The following PCDH15 variants were observed in gnomAD, a reference collection of about 807,000 sequenced individuals.
PCDH15 encodes protocadherin-15.
Under a neutral mutation model 178.5 loss-of-function variants are expected in PCDH15, and 129 were observed. That is an observed-to-expected ratio of 0.72 (90% CI 0.63 to 0.84). The LOEUF (loss-of-function observed/expected upper bound fraction) is 0.84. PCDH15 is among the 40% of genes least tolerant of loss of function. PCDH15 has a pLI of 0.00. For synonymous variants in PCDH15, 800 were observed against 732.0 expected, an observed-to-expected ratio of 1.09 and a Z score of -1.50; for missense variants, 2,230 against 2,099.9, an observed-to-expected ratio of 1.06 and a Z score of -1.21.
At chr10:55,507,813 A>G (rs1181187019) in intron 2 of PCDH15, among the ~76,000 whole-genome samples, 1 of 151,658 alleles carries the variant, frequency 6.6e-6, no homozygotes, top group African/African-American at 2.4e-5. Flanking sequence ...GGAATCCTTC[A>G]GATTTAGACA....
intron 3 of PCDH15, among the ~76,000 whole-genome samples, chr10:54,848,739 C>T (rs575269415): frequency 6.6e-6 from 1 of 152,262 alleles, no homozygotes; most frequent in East Asian, 1.9e-4. Context: ...CTTTTCTGTG[C>T]CTCCATTATT....
At chr10:54,662,237 A>G (rs189152101) in intron 2 of PCDH15, among the ~76,000 whole-genome samples, 190 of 152,116 alleles carry the variant, frequency 1.2e-3, no homozygotes, top group African/African-American at 4.2e-3. Context: ...TAAGTGAGGA[A>G]AGAATGTAAA....
intron 2 of PCDH15, among the ~76,000 whole-genome samples, chr10:54,940,215 A>G (rs1407170250): frequency 2.0e-5 from 3 of 152,130 alleles, no homozygotes; most frequent in East Asian, 3.8e-4. Context: ...ACTGTATCGT[A>G]TAAGTTTTAT....
At chr10:53,962,031 G>T in intron 21 of PCDH15, 139 bp from the exon 22 acceptor site, 1 of 701,096 alleles carries the variant, frequency 1.4e-6, no homozygotes, top group Non-Finnish European at 2.4e-6. Context: ...TTTCAGAGCT[G>T]AAATGTAGCC....
intron 3 of PCDH15, among the ~76,000 whole-genome samples, chr10:54,849,522 C>G (rs958846427): frequency 2.6e-5 from 4 of 152,128 alleles, no homozygotes; most frequent in African/African-American, 9.7e-5. Flanking sequence ...TCACTCGGCT[C>G]GACTACTTTC....
chr10:55,282,975 A>G (rs1277972050), intron 1 of PCDH15, among the ~76,000 whole-genome samples: 1 of 152,164 alleles, frequency 6.6e-6, no homozygotes, highest in Admixed American at 6.5e-5. Context: ...TGAAACAAAG[A>G]AAATAACAGT....
intron 1 of PCDH15, among the ~76,000 whole-genome samples, chr10:55,222,647 C>T (rs1840910000): frequency 6.8e-6 from 1 of 146,582 alleles, no homozygotes; most frequent in Non-Finnish European, 1.5e-5. Context: ...TTGGTTGATT[C>T]CTTGATTCTC....
intron 2 of PCDH15, among the ~76,000 whole-genome samples, chr10:55,350,787 A>C (rs1198496810): frequency 6.6e-6 from 1 of 151,910 alleles, no homozygotes. Flanking sequence ...TGAATGTTTT[A>C]TTTTTCTTTT....
intron 1 of PCDH15, among the ~76,000 whole-genome samples, chr10:54,728,848 C>T (rs980678818): frequency 1.3e-5 from 2 of 151,244 alleles, no homozygotes; most frequent in Admixed American, 6.6e-5. Context: ...AATAAAATAC[C>T]TAGAAAAACA....
chr10:54,964,680 A>T (rs1838737059), intron 2 of PCDH15, among the ~76,000 whole-genome samples: 1 of 152,214 alleles, frequency 6.6e-6, no homozygotes, highest in African/African-American at 2.4e-5. Context: ...AATTATGTTA[A>T]TAATATCACT....
intron 3 of PCDH15, among the ~76,000 whole-genome samples, chr10:54,874,958 G>T (rs1954113027): frequency 6.6e-6 from 1 of 152,100 alleles, no homozygotes; most frequent in African/African-American, 2.4e-5. Flanking sequence ...ATTGTAGTTA[G>T]ATTTGCAAAT....
chr10:55,542,443 AAT>A (rs1169865665), intron 2 of PCDH15, among the ~76,000 whole-genome samples: 1 of 151,008 alleles, frequency 6.6e-6, no homozygotes, highest in Non-Finnish European at 1.5e-5. Flanking sequence ...CAGTATATGT[AAT>A]ATATGTATTT....
intron 2 of PCDH15, among the ~76,000 whole-genome samples, chr10:55,083,504 C>A (rs924683615): frequency 5.9e-5 from 9 of 151,822 alleles, no homozygotes; most frequent in African/African-American, 2.2e-4. Flanking sequence ...AGATCTTGAA[C>A]AGGACAAGGA....
At chr10:54,029,601 A>C (rs1384667359) in intron 18 of PCDH15, among the ~76,000 whole-genome samples, 1 of 152,150 alleles carries the variant, frequency 6.6e-6, no homozygotes, top group African/African-American at 2.4e-5. Flanking sequence ...ATTAACACCA[A>C]AGTTAGAGTA....
At chr10:55,402,936 CT>C (rs1838106847) in intron 2 of PCDH15, among the ~76,000 whole-genome samples, 1 of 151,912 alleles carries the variant, frequency 6.6e-6, no homozygotes, top group South Asian at 2.1e-4. Flanking sequence ...TCACATTCCC[CT>C]CAACAGTATA....
intron 20 of PCDH15, among the ~76,000 whole-genome samples, chr10:54,011,234 C>T (rs1002473599): frequency 6.6e-6 from 1 of 152,186 alleles, no homozygotes; most frequent in South Asian, 2.1e-4. Flanking sequence ...TTGCTGCCCT[C>T]AGACTGTGGA....
chr10:54,123,441 T>C (rs150775496), intron 15 of PCDH15, among the ~76,000 whole-genome samples: 9 of 152,050 alleles, frequency 5.9e-5, no homozygotes, highest in South Asian at 4.1e-4. Context: ...TCACTAATCA[T>C]CAGAGAAATG....
chr10:54,502,918 G>A (rs139709185), intron 3 of PCDH15, among the ~76,000 whole-genome samples: 1 of 151,930 alleles, frequency 6.6e-6, no homozygotes, highest in Non-Finnish European at 1.5e-5. Context: ...AAAATTATAA[G>A]CTCACAATAA....
At chr10:55,048,294 A>T (rs1841064502) in intron 2 of PCDH15, among the ~76,000 whole-genome samples, 1 of 151,852 alleles carries the variant, frequency 6.6e-6, no homozygotes, top group South Asian at 2.1e-4. Context: ...ACATTTTCTA[A>T]AGGAGAGTCG....
Sources: allele counts gnomAD v4.1 joint callset (sites outside exome capture counted in the v4.1 genomes callset), GRCh38; gene constraint gnomAD v4.1.1; transcripts MANE v1.5; gene names NCBI Gene and HGNC (gene_info 2026-07-23, HGNC 2026-07-21).